PDE1C: variants seen among roughly 807,000 people sequenced by gnomAD.
The protein encoded by PDE1C is phosphodiesterase 1C.
In PDE1C, 62 loss-of-function variants were observed where a neutral mutation model predicts 93.1. That is an observed-to-expected ratio of 0.67 (90% CI 0.54 to 0.82). The LOEUF (loss-of-function observed/expected upper bound fraction) is 0.82. Among genes scored for constraint, PDE1C ranks in the 40% least tolerant of loss-of-function variants. The probability of loss-of-function intolerance (pLI) is 0.00; values close to 1 mark genes in which losing one functional copy is unlikely to be tolerated. For missense variants in PDE1C, 742 were observed against 884.6 expected, an observed-to-expected ratio of 0.84 and a Z score of 2.04; for synonymous variants, 325 against 310.1, an observed-to-expected ratio of 1.05 and a Z score of -0.50.
At chr7:32,363,506 T>G (rs1209204547) in intron 1 of PDE1C, among the ~76,000 whole-genome samples, 4 of 152,248 alleles carry the variant, frequency 2.6e-5, no homozygotes, top group African/African-American at 9.6e-5. Flanking sequence ...TAATCTGAAC[T>G]GCTTGTAAAG....
At chr7:32,239,850 G>A (rs1209791345) in intron 1 of PDE1C, among the ~76,000 whole-genome samples, 1 of 152,202 alleles carries the variant, frequency 6.6e-6, no homozygotes, top group Non-Finnish European at 1.5e-5. Context: ...CTTTAAGCTA[G>A]GCAAGTATAT....
intron 3 of PDE1C, 28 bp from the exon 4 acceptor site, chr7:31,879,206 C>G: frequency 6.3e-7 from 1 of 1,595,128 alleles, no homozygotes; most frequent in East Asian, 2.2e-5. Context: ...AATCAGCACA[C>G]TGAGATTAAA....
intron 3 of PDE1C, among the ~76,000 whole-genome samples, chr7:32,088,658 C>A (rs1234415001): frequency 6.6e-6 from 1 of 152,220 alleles, no homozygotes; most frequent in Non-Finnish European, 1.5e-5. Flanking sequence ...GTTTGCAAAG[C>A]AGAGGAAAAT....
chr7:32,225,841 C>T (rs1173367393), intron 1 of PDE1C, among the ~76,000 whole-genome samples: 1 of 152,104 alleles, frequency 6.6e-6, no homozygotes, highest in Non-Finnish European at 1.5e-5. Flanking sequence ...GGGTGGATCA[C>T]GAGGTCAGGA....
chr7:31,707,273 T>C, the PDE1C span: 2 of 1,613,562 alleles, frequency 1.2e-6, no homozygotes, highest in African/African-American at 1.3e-5. Context: ...GGTGACAAGA[T>C]AGCTATTTAA....
At chr7:32,424,263 A>G (rs1785487371) in intron 1 of PDE1C, among the ~76,000 whole-genome samples, 2 of 152,296 alleles carry the variant, frequency 1.3e-5, no homozygotes, top group South Asian at 4.1e-4. Context: ...AACACAACAA[A>G]TCCCATAGGC....
the PDE1C span, among the ~76,000 whole-genome samples, chr7:31,644,274 C>T: frequency 1.5e-5 from 2 of 133,460 alleles, no homozygotes; most frequent in Non-Finnish European, 3.3e-5. Flanking sequence ...TGTAACTCAT[C>T]TCCAGTTCTA....
intron 1 of PDE1C, among the ~76,000 whole-genome samples, chr7:32,401,154 T>C (rs1018722663): frequency 6.6e-6 from 1 of 152,242 alleles, no homozygotes; most frequent in Non-Finnish European, 1.5e-5. Flanking sequence ...GTACTTCCAA[T>C]GTATTTTATG....
chr7:32,232,490 G>C (rs1807774873), intron 1 of PDE1C, among the ~76,000 whole-genome samples: 1 of 152,162 alleles, frequency 6.6e-6, no homozygotes. Flanking sequence ...CCGTCCTCCT[G>C]CCCAGTGGCC....
chr7:31,961,238 GTATA>G lies in PDE1C; in HGVS notation c.129-80382_129-80379del, dbSNP rs1053702923. On this transcript the variant is annotated intron_variant, in intron 2 of 17. Transcript: ENST00000396191. ...TATTAAATCACTCGTACATGTATAT[GTATA>G]TGTATATATATATATATATACACAC... Among the ~76,000 whole-genome samples the G allele has an allele frequency of 3.1e-4, 45 of 146,566 alleles. 1 individual carries two copies. The highest frequency in any genetic ancestry group is 7.5e-3 in the Middle Eastern group (2 of 266).
At chr7:32,067,590 G>A (rs1367023323) in intron 1 of PDE1C, among the ~76,000 whole-genome samples, 1 of 152,124 alleles carries the variant, frequency 6.6e-6, no homozygotes, top group Non-Finnish European at 1.5e-5. Flanking sequence ...TGAAAGAGGG[G>A]CTATAAAGAA....
upstream of PDE1C, among the ~76,000 whole-genome samples, chr7:32,072,086 A>C (rs1014561998): frequency 1.3e-5 from 2 of 152,198 alleles, no homozygotes; most frequent in African/African-American, 2.4e-5. Flanking sequence ...AGTTCCATTC[A>C]CCTGACCTTA....
chr7:32,037,506 T>G (rs1584546896), intron 2 of PDE1C, among the ~76,000 whole-genome samples: 2 of 152,250 alleles, frequency 1.3e-5, no homozygotes, highest in Middle Eastern at 6.8e-3. Flanking sequence ...TAGTATTCCT[T>G]CTAAATAAAA....
intron 2 of PDE1C, among the ~76,000 whole-genome samples, chr7:31,969,996 G>T (rs1325471946): frequency 6.6e-6 from 1 of 151,928 alleles, no homozygotes; most frequent in African/African-American, 2.4e-5. Context: ...CTGTTGTGGG[G>T]TTGGGGGAGT....
chr7:32,091,425 G>A (rs1471585484), intron 3 of PDE1C, among the ~76,000 whole-genome samples: 3 of 152,220 alleles, frequency 2.0e-5, no homozygotes, highest in Non-Finnish European at 4.4e-5. Context: ...AGTATATGGA[G>A]CAGGAAGGAC....
the PDE1C span, among the ~76,000 whole-genome samples, chr7:31,622,788 A>C: frequency 6.6e-6 from 1 of 152,120 alleles, no homozygotes; most frequent in South Asian, 2.1e-4. Context: ...AGAGACACAA[A>C]AAACCCTTCA....
intron 1 of PDE1C, among the ~76,000 whole-genome samples, chr7:32,418,287 C>CTTAA (rs1309758438): frequency 6.6e-6 from 1 of 152,154 alleles, no homozygotes; most frequent in African/African-American, 2.4e-5. Flanking sequence ...CAGCACAAGG[C>CTTAA]TTAAGACCTG....
chr7:31,725,728 T>C, the PDE1C span, among the ~76,000 whole-genome samples: 1 of 152,164 alleles, frequency 6.6e-6, no homozygotes, highest in Non-Finnish European at 1.5e-5. Context: ...GTATATGGGA[T>C]TTTCTCATAT....
chr7:31,991,197 A>G (rs947494053), intron 2 of PDE1C, among the ~76,000 whole-genome samples: 4 of 152,208 alleles, frequency 2.6e-5, no homozygotes, highest in African/African-American at 9.7e-5. Flanking sequence ...TCCTATAGAA[A>G]TGAGAGTTAA....
Sources: allele counts gnomAD v4.1 joint callset (sites outside exome capture counted in the v4.1 genomes callset), GRCh38; gene constraint gnomAD v4.1.1; transcripts MANE v1.5; gene names NCBI Gene and HGNC (gene_info 2026-07-23, HGNC 2026-07-21).